SCOC: variants seen among roughly 807,000 people sequenced by gnomAD.
SCOC encodes short coiled coil protein.
SCOC carries 7 observed loss-of-function variants against 9.9 expected under a neutral mutation model. The observed-to-expected ratio is 0.71, with a 90% CI of 0.40 to 1.33. SCOC has a LOEUF of 1.33. Among genes scored for constraint, SCOC ranks in the 40% most tolerant of loss-of-function variants. The pLI is 0.01. For missense variants in SCOC, 66 were observed against 89.7 expected (o/e 0.74, Z 1.07); for synonymous variants, 19 against 28.2 (o/e 0.67, Z 1.03).
At chr4:140,361,735 T>G (rs1219249079) in intron 2 of SCOC, among the ~76,000 whole-genome samples, 2 of 152,284 alleles carry the variant, frequency 1.3e-5, no homozygotes, top group Non-Finnish European at 2.9e-5. Context: ...AATTAATACC[T>G]TGAAACGTAA....
chr4:140,369,162 T>TTATAATCTTGAGAAAG (rs1727933056), upstream of SCOC: 1 of 196,718 alleles, frequency 5.1e-6, no homozygotes, highest in Non-Finnish European at 1.1e-5. Context: ...TTATCAGAAA[T>TTATAATCTTGAGAAAG]TATAATCTTG....
At chr4:140,362,299 C>CTTCTTCTTCTTTTTTTTTTT (rs367795160) in intron 2 of SCOC, among the ~76,000 whole-genome samples, 1 of 38,348 alleles carries the variant, frequency 2.6e-5, no homozygotes, top group African/African-American at 7.5e-5. Flanking sequence ...TCTTCTTCTT[C>CTTCTTCTTCTTTTTTTTTTT]TTTTTTTTTT....
chr4:140,283,416 T>C (rs1167428092), intron 1 of SCOC, among the ~76,000 whole-genome samples: 1 of 152,170 alleles, frequency 6.6e-6, no homozygotes, highest in Non-Finnish European at 1.5e-5. Context: ...GGAAAGCAAA[T>C]GGAGTCAAAG....
upstream of SCOC, among the ~76,000 whole-genome samples, chr4:140,339,868 T>C (rs1726434604): frequency 6.6e-6 from 1 of 152,202 alleles, no homozygotes; most frequent in South Asian, 2.1e-4. Context: ...GCAAACTAGT[T>C]CAACCATTGT....
intron 1 of SCOC, chr4:140,374,287 G>A (rs540244278): frequency 4.9e-6 from 2 of 408,120 alleles, no homozygotes; most frequent in Non-Finnish European, 9.8e-6. Context: ...GAAAGGTTTG[G>A]AAAGGAGAAA....
At chr4:140,328,140 C>A (rs1732704193) in intron 1 of SCOC, among the ~76,000 whole-genome samples, 1 of 152,162 alleles carries the variant, frequency 6.6e-6, no homozygotes, top group Non-Finnish European at 1.5e-5. Context: ...GCTTAGCACA[C>A]AGGACATGCT....
intron 1 of SCOC, chr4:140,293,240 GA>G: frequency 2.2e-6 from 1 of 451,348 alleles, no homozygotes; most frequent in South Asian, 1.6e-5. Context: ...AGGTGCCAGG[GA>G]ATAACCATAC....
intron 1 of SCOC, among the ~76,000 whole-genome samples, chr4:140,332,210 A>G (rs887683466): frequency 2.0e-5 from 3 of 152,092 alleles, no homozygotes; most frequent in Non-Finnish European, 2.9e-5. Context: ...CACAGATCCA[A>G]ACCATATCAG....
chr4:140,358,578 G>C (rs377718009), intron 2 of SCOC, among the ~76,000 whole-genome samples: 1 of 152,198 alleles, frequency 6.6e-6, no homozygotes, highest in Non-Finnish European at 1.5e-5. Flanking sequence ...GGTTCTGAGA[G>C]GGAACTAAGC....
At chr4:140,309,760 CT>C (rs1732097734) in intron 1 of SCOC, among the ~76,000 whole-genome samples, 1 of 152,150 alleles carries the variant, frequency 6.6e-6, no homozygotes, top group Non-Finnish European at 1.5e-5. Context: ...AAGAGAGTTA[CT>C]CTGAAGTGCC....
At chr4:140,341,986 G>A (rs1726535300), upstream of SCOC, among the ~76,000 whole-genome samples, 1 of 151,946 alleles carries the variant, frequency 6.6e-6, no homozygotes, top group Admixed American at 6.6e-5. Flanking sequence ...TTGCATCATG[G>A]GCTAATGTCC....
chr4:140,286,350 T>G (rs1378669710), intron 1 of SCOC, among the ~76,000 whole-genome samples: 1 of 148,446 alleles, frequency 6.7e-6, no homozygotes, highest in South Asian at 2.1e-4. Context: ...AAGGGAAAAA[T>G]GTTAAAGGCT....
chr4:140,370,264 T>C (rs1404845103), upstream of SCOC, among the ~76,000 whole-genome samples: 2 of 152,176 alleles, frequency 1.3e-5, no homozygotes, highest in African/African-American at 4.8e-5. Context: ...CTGAGATTTG[T>C]TTGATGATAC....
At chr4:140,290,828 C>G (rs992832370) in intron 1 of SCOC, among the ~76,000 whole-genome samples, 2 of 152,098 alleles carry the variant, frequency 1.3e-5, no homozygotes, top group Non-Finnish European at 2.9e-5. Flanking sequence ...AACAAACAAA[C>G]AAACAAACGA....
chr4:140,363,386 G>C (rs1406647491), intron 2 of SCOC, among the ~76,000 whole-genome samples: 2 of 152,116 alleles, frequency 1.3e-5, no homozygotes, highest in African/African-American at 4.8e-5. Flanking sequence ...TTTGGAGATT[G>C]TGACAATTTG....
chr4:140,377,903 A>G (rs961704369), intron 1 of SCOC, among the ~76,000 whole-genome samples: 3 of 152,338 alleles, frequency 2.0e-5, no homozygotes, highest in Non-Finnish European at 4.4e-5. Flanking sequence ...TTGTTGAAAG[A>G]ATAACACTGA....
At chr4:140,283,459 A>AT (rs568522560) in intron 1 of SCOC, among the ~76,000 whole-genome samples, 84 of 149,526 alleles carry the variant, frequency 5.6e-4, no homozygotes, top group Middle Eastern at 6.9e-3. Context: ...CACTACAAGC[A>AT]TTTTTTTTTT....
intron 1 of SCOC, among the ~76,000 whole-genome samples, chr4:140,271,219 G>C (rs1730837966): frequency 6.6e-6 from 1 of 152,202 alleles, no homozygotes; most frequent in Non-Finnish European, 1.5e-5. Flanking sequence ...GATGGGCATT[G>C]TGTTTGCTGG....
chr4:140,366,172 T>G, intron 2 of SCOC: 3 of 448,894 alleles, frequency 6.7e-6, no homozygotes, highest in East Asian at 4.1e-5. Context: ...GGTGCCTCCT[T>G]TTCTTTCTTT....
Sources: gnomAD v4.1 joint callset for allele counts (sites outside exome capture counted in the v4.1 genomes callset) on GRCh38, gnomAD v4.1.1 for gene constraint, MANE v1.5 for transcripts, NCBI Gene and HGNC (gene_info 2026-07-23, HGNC 2026-07-21) for gene names.